SAMD12: variants seen among roughly 807,000 people sequenced by gnomAD.
SAMD12 encodes sterile alpha motif domain-containing protein 12.
Under a neutral mutation model 15.0 loss-of-function variants are expected in SAMD12, and 9 were observed. The ratio of observed to expected loss-of-function variants is 0.60; its 90% CI spans 0.36 to 1.05. The LOEUF (loss-of-function observed/expected upper bound fraction) is 1.05, where lower values mean the gene tolerates loss of function less well. Among genes scored for constraint, SAMD12 ranks in the 50% least tolerant of loss-of-function variants. The probability of loss-of-function intolerance (pLI) is 0.01; values close to 1 mark genes in which losing one functional copy is unlikely to be tolerated. For missense variants in SAMD12, 230 were observed against 234.2 expected, an observed-to-expected ratio of 0.98 and a Z score of 0.12; for synonymous variants, 86 against 90.1, an observed-to-expected ratio of 0.96 and a Z score of 0.25.
intron 2 of SAMD12, among the ~76,000 whole-genome samples, chr8:118,444,062 G>C (rs564273776): frequency 1.3e-5 from 2 of 152,250 alleles, no homozygotes; most frequent in African/African-American, 4.8e-5. Flanking sequence ...ATCCCTAGAG[G>C]ATGACTTTCT....
intron 2 of SAMD12, among the ~76,000 whole-genome samples, chr8:118,555,752 ATGTT>A (rs1202989499): frequency 6.6e-6 from 1 of 152,224 alleles, no homozygotes; most frequent in Admixed American, 6.5e-5. Flanking sequence ...GCTCTGTTGT[ATGTT>A]TATCATTACA....
chr8:118,597,033 T>C (rs1827740728), intron 1 of SAMD12, among the ~76,000 whole-genome samples: 3 of 152,018 alleles, frequency 2.0e-5, no homozygotes, highest in Admixed American at 2.0e-4. Context: ...TGGAATCACA[T>C]GTGCAAAGCT....
chr8:118,539,143 G>C (rs539174098), intron 2 of SAMD12, among the ~76,000 whole-genome samples: 2 of 152,310 alleles, frequency 1.3e-5, no homozygotes, highest in East Asian at 3.9e-4. Flanking sequence ...CATTGCTTTA[G>C]CAGCAAGAAG....
At chr8:118,476,839 ATT>A (rs1823972813) in intron 2 of SAMD12, among the ~76,000 whole-genome samples, 1 of 152,112 alleles carries the variant, frequency 6.6e-6, no homozygotes. Flanking sequence ...AGAAAACGGC[ATT>A]TGTTTCTTTA....
At chr8:118,447,922 GT>G (rs1253411692) in intron 2 of SAMD12, among the ~76,000 whole-genome samples, 1 of 151,288 alleles carries the variant, frequency 6.6e-6, no homozygotes, top group Non-Finnish European at 1.5e-5. Flanking sequence ...TAGAGACGGG[GT>G]TTCACTGTGT....
chr8:118,246,282 T>C (rs1337827347), intron 4 of SAMD12, among the ~76,000 whole-genome samples: 1 of 152,160 alleles, frequency 6.6e-6, no homozygotes, highest in Non-Finnish European at 1.5e-5. Context: ...CATATCTCTT[T>C]TGCATCAGTG....
At chr8:118,303,280 G>A (rs1304737690) in intron 4 of SAMD12, among the ~76,000 whole-genome samples, 1 of 152,136 alleles carries the variant, frequency 6.6e-6, no homozygotes, top group Non-Finnish European at 1.5e-5. Flanking sequence ...GACAACTTAA[G>A]CTGTGGAGTC....
chr8:118,286,191 T>C, intron 4 of SAMD12, among the ~76,000 whole-genome samples: 1 of 140,084 alleles, frequency 7.1e-6, no homozygotes, highest in Non-Finnish European at 1.6e-5. Context: ...GGGGGAGGGA[T>C]AGCATTAGGA....
chr8:118,217,506 A>T (rs1003725951), intron 4 of SAMD12, among the ~76,000 whole-genome samples: 4 of 152,208 alleles, frequency 2.6e-5, no homozygotes, highest in African/African-American at 9.7e-5. Context: ...GGAAGAAAAG[A>T]CAATATCTTT....
At chr8:118,297,444 A>G (rs1814772625) in intron 4 of SAMD12, among the ~76,000 whole-genome samples, 1 of 152,214 alleles carries the variant, frequency 6.6e-6, no homozygotes, top group Non-Finnish European at 1.5e-5. Context: ...TAGAGACACC[A>G]CCTTCCGAAG....
At chr8:118,487,362 A>C (rs1037265788) in intron 2 of SAMD12, among the ~76,000 whole-genome samples, 1 of 152,210 alleles carries the variant, frequency 6.6e-6, no homozygotes, top group East Asian at 1.9e-4. Flanking sequence ...ATGAATAAGC[A>C]AAGACCAGGA....
intron 4 of SAMD12, among the ~76,000 whole-genome samples, chr8:118,306,437 C>A (rs193199911): frequency 5.9e-5 from 9 of 152,246 alleles, no homozygotes; most frequent in Admixed American, 2.0e-4. Context: ...GACTCTAAAC[C>A]TTCTTTAAAA....
chr8:118,502,687 C>T (rs1367895465), intron 2 of SAMD12, among the ~76,000 whole-genome samples: 3 of 152,144 alleles, frequency 2.0e-5, no homozygotes, highest in African/African-American at 4.8e-5. Context: ...CCTCAGCCAC[C>T]GCTATAATTT....
chr8:118,453,977 C>T (rs1193026072), intron 2 of SAMD12, among the ~76,000 whole-genome samples: 3 of 152,142 alleles, frequency 2.0e-5, no homozygotes, highest in African/African-American at 4.8e-5. Flanking sequence ...TGGCTGCTCC[C>T]CAGACCTGCT....
intron 4 of SAMD12, among the ~76,000 whole-genome samples, chr8:118,294,940 TTTAGAAAGCAGGAACTGTATTATA>T (rs1358283326): frequency 1.3e-5 from 2 of 152,172 alleles, no homozygotes; most frequent in African/African-American, 4.8e-5. Context: ...GTCAACAAAG[TTTAGAAAGCAGGAACTGTATTATA>T]TAATTATGGA....
chr8:118,388,809 C>T (rs73327529), intron 3 of SAMD12, among the ~76,000 whole-genome samples: 1,524 of 152,254 alleles, frequency 0.01, 26 homozygotes, highest in African/African-American at 0.035. Context: ...CTGTCTTTAC[C>T]ACCCTATGGA....
At chr8:118,596,554 C>G (rs1471309874) in intron 1 of SAMD12, among the ~76,000 whole-genome samples, 1 of 152,190 alleles carries the variant, frequency 6.6e-6, no homozygotes, top group East Asian at 1.9e-4. Context: ...ATCAATGACC[C>G]CTTAATACTA....
intron 2 of SAMD12, among the ~76,000 whole-genome samples, chr8:118,551,246 C>T (rs1353315427): frequency 6.6e-6 from 1 of 151,988 alleles, no homozygotes; most frequent in East Asian, 1.9e-4. Context: ...CCACACCACA[C>T]CTATTCCAAA....
chr8:118,169,640 C>A, the SAMD12 span, among the ~76,000 whole-genome samples: 2 of 152,158 alleles, frequency 1.3e-5, no homozygotes, highest in African/African-American at 4.8e-5. Flanking sequence ...AATCCACTGA[C>A]CCCAATGTTT....
Sources: allele counts gnomAD v4.1 joint callset (sites outside exome capture counted in the v4.1 genomes callset), GRCh38; gene constraint gnomAD v4.1.1; transcripts MANE v1.5; gene names NCBI Gene and HGNC (gene_info 2026-07-23, HGNC 2026-07-21).